The following LIN7A variants were observed in gnomAD, a reference collection of about 807,000 sequenced individuals.
The protein encoded by LIN7A is protein lin-7 homolog A.
In LIN7A, 25 loss-of-function variants were observed where a neutral mutation model predicts 29.8. That is an observed-to-expected ratio of 0.84 (90% CI 0.61 to 1.17). The LOEUF is 1.17. Among genes scored for constraint, LIN7A ranks in the 50% most tolerant of loss-of-function variants. The pLI is 0.00. For synonymous variants in LIN7A, 118 were observed against 107.5 expected (o/e 1.10, Z -0.60); for missense variants, 239 against 287.0 (o/e 0.83, Z 1.21).
At chr12:80,895,567 T>G (rs979160713) in intron 1 of LIN7A, among the ~76,000 whole-genome samples, 4 of 152,222 alleles carry the variant, frequency 2.6e-5, no homozygotes, top group Non-Finnish European at 4.4e-5. Context: ...AACCCTCTAA[T>G]CGCTTGCCAT....
chr12:80,858,892 G>A (rs1873733392), intron 2 of LIN7A, among the ~76,000 whole-genome samples: 1 of 152,062 alleles, frequency 6.6e-6, no homozygotes, highest in Admixed American at 6.6e-5. Flanking sequence ...TTTATCAGGT[G>A]AATATATTAT....
At position 80,793,188 on chromosome 12, in the gene LIN7A, C is replaced by T. The variant is rs2121453367; in HGVS notation, c.*4539G>A. Reference sequence around the variant, plus strand: ...CAAGTCACATAATATATCTGTGCTTCAGTTTTTGTATCTATAAAATGGAAC... The same window carrying T: ...CAAGTCACATAATATATCTGTGCTTTAGTTTTTGTATCTATAAAATGGAAC... On this transcript the variant is annotated 3_prime_UTR_variant, in exon 6 of 6. Transcript: ENST00000552864. 6.6e-6 allele frequency: 1 copy of T among 152,206 alleles called. No individual in the cohort carries two copies. 9.4% of individuals were successfully genotyped at this position (152,206 alleles called of 1,614,324 possible).
At chr12:80,858,433 G>C (rs969058368) in intron 2 of LIN7A, among the ~76,000 whole-genome samples, 4 of 150,956 alleles carry the variant, frequency 2.6e-5, no homozygotes, top group African/African-American at 7.3e-5. Context: ...TAACTTCAAG[G>C]AAAAAGTGAG....
intron 4 of LIN7A, among the ~76,000 whole-genome samples, chr12:80,817,757 A>G (rs1390024864): frequency 6.6e-6 from 1 of 152,192 alleles, no homozygotes; most frequent in Non-Finnish European, 1.5e-5. Flanking sequence ...AAGACTGGCT[A>G]TGACTTACTC....
At chr12:80,920,725 T>G (rs992660557) in intron 1 of LIN7A, among the ~76,000 whole-genome samples, 3 of 152,208 alleles carry the variant, frequency 2.0e-5, no homozygotes, top group African/African-American at 7.2e-5. Context: ...AATTATATTC[T>G]TTAAAGCTCT....
chr12:80,918,002 C>G (rs187571618), intron 1 of LIN7A, among the ~76,000 whole-genome samples: 29 of 152,202 alleles, frequency 1.9e-4, no homozygotes, highest in African/African-American at 6.5e-4. Flanking sequence ...ATGCCTTGGC[C>G]TACAATTCAT....
At chr12:80,937,522 T>A (rs1878305697) in intron 1 of LIN7A, 119 bp downstream of exon 1, 1 of 637,092 alleles carries the variant, frequency 1.6e-6, no homozygotes, top group African/African-American at 1.9e-5. Context: ...TCCTGGCTCG[T>A]CCTCGTTCCC....
chr12:80,839,423 A>C (rs1222664682), intron 4 of LIN7A, among the ~76,000 whole-genome samples: 1 of 152,180 alleles, frequency 6.6e-6, no homozygotes. Flanking sequence ...CATTATGTAG[A>C]GTGCTTACAG....
chr12:80,922,567 G>A (rs1179690541), intron 1 of LIN7A, among the ~76,000 whole-genome samples: 1 of 152,160 alleles, frequency 6.6e-6, no homozygotes, highest in Non-Finnish European at 1.5e-5. Flanking sequence ...CACAGCCTGG[G>A]AAGAAGGATC....
chr12:80,907,059 G>C (rs909136148), intron 1 of LIN7A, among the ~76,000 whole-genome samples: 56 of 140,972 alleles, frequency 4.0e-4, no homozygotes, highest in East Asian at 1.2e-3. Context: ...CGTGCTCTGT[G>C]TGTGTGTGTG....
At chr12:80,851,056 C>A (rs1184267816) in intron 2 of LIN7A, among the ~76,000 whole-genome samples, 3 of 152,142 alleles carry the variant, frequency 2.0e-5, no homozygotes, top group African/African-American at 7.2e-5. Context: ...CCTTCAAAAT[C>A]TTTCCTCTTT....
rs554526262 is a variant in LIN7A, at chr12:80,839,807, G to C, written c.483+5923C>G. Among the ~76,000 whole-genome samples the C allele has an allele frequency of 2.0e-4, 31 of 152,244 alleles. 1 individual carries two copies. The South Asian group carries it at 2.7e-3, about 13-fold the overall frequency. On this transcript the variant is annotated intron_variant, in intron 4 of 5. Transcript: ENST00000552864. ...TAGGTATTTATAAAATGTAAAAAAA[G>C]CCGATGGCAGGAAAACAATTTATTC...
chr12:80,917,686 C>A (rs1877096425), intron 1 of LIN7A, among the ~76,000 whole-genome samples: 2 of 151,740 alleles, frequency 1.3e-5, no homozygotes, highest in Admixed American at 1.3e-4. Flanking sequence ...AGTTTCTATT[C>A]TTTCACAATA....
intron 1 of LIN7A, among the ~76,000 whole-genome samples, chr12:80,932,955 C>T (rs1443187480): frequency 1.3e-5 from 2 of 152,164 alleles, no homozygotes; most frequent in East Asian, 3.9e-4. Context: ...TTGCTATGAA[C>T]ATTTTAAGGT....
intron 5 of LIN7A, among the ~76,000 whole-genome samples, chr12:80,807,063 G>GTTTTTTTTTTGTTTTTTTTT (rs1871029199): frequency 5.6e-5 from 3 of 53,590 alleles, no homozygotes; most frequent in Non-Finnish European, 3.5e-5. Context: ...TGAAGATGGA[G>GTTTTTTTTTTGTTTTTTTTT]TTTTTTTTTT....
chr12:80,911,362 C>T (rs932665376), intron 1 of LIN7A, among the ~76,000 whole-genome samples: 4 of 150,846 alleles, frequency 2.7e-5, no homozygotes, highest in African/African-American at 9.8e-5. Context: ...GAGATCCTCC[C>T]ACTTCAGGCT....
At chr12:80,865,493 T>C (rs1000070022) in intron 2 of LIN7A, among the ~76,000 whole-genome samples, 12 of 152,144 alleles carry the variant, frequency 7.9e-5, no homozygotes, top group Admixed American at 7.2e-4. Flanking sequence ...AGATTAACAA[T>C]AGCTGTGAGA....
intron 2 of LIN7A, 99 bp from the exon 3 acceptor site, chr12:80,848,421 T>C: frequency 1.2e-6 from 1 of 858,112 alleles, no homozygotes; most frequent in Non-Finnish European, 1.9e-6. Flanking sequence ...AGGAAAAAAA[T>C]TCTCTATTGC....
chr12:80,830,531 G>T (rs1480368598), intron 4 of LIN7A, among the ~76,000 whole-genome samples: 3 of 152,066 alleles, frequency 2.0e-5, no homozygotes, highest in Non-Finnish European at 4.4e-5. Flanking sequence ...ACATTTGGGG[G>T]TGCTTGCTTT....
Sources: gnomAD v4.1 joint callset for allele counts (sites outside exome capture counted in the v4.1 genomes callset) on GRCh38, gnomAD v4.1.1 for gene constraint, MANE v1.5 for transcripts, NCBI Gene and HGNC (gene_info 2026-07-23, HGNC 2026-07-21) for gene names.